PSAP: variants seen among roughly 807,000 people sequenced by gnomAD.
The protein encoded by PSAP is prosaposin.
A neutral mutation model predicts 66.0 loss-of-function variants in PSAP; 25 were observed. The ratio of observed to expected loss-of-function variants is 0.38; its 90% CI spans 0.28 to 0.53. The LOEUF (loss-of-function observed/expected upper bound fraction) is 0.53, where lower values mean the gene tolerates loss of function less well. PSAP is among the 20% of genes least tolerant of loss of function. The pLI, the probability that PSAP is intolerant of heterozygous loss-of-function variation, is 0.83. For missense variants in PSAP, 649 were observed against 668.8 expected, an observed-to-expected ratio of 0.97 and a Z score of 0.33; for synonymous variants, 273 against 258.9, an observed-to-expected ratio of 1.05 and a Z score of -0.52.
intron 4 of PSAP, among the ~76,000 whole-genome samples, chr10:71,830,812 C>G (rs569172918): frequency 1.3e-5 from 2 of 152,264 alleles, no homozygotes; most frequent in African/African-American, 4.8e-5. Context: ...GGTTTTGTGC[C>G]TGCTCAAAGG....
chr10:71,837,276 T>C (rs189813895), intron 1 of PSAP, among the ~76,000 whole-genome samples: 332 of 152,324 alleles, frequency 2.2e-3, no homozygotes, highest in Non-Finnish European at 4.1e-3. Flanking sequence ...AACGACATGA[T>C]GACATACGTT....
chr10:71,829,855 G>A (rs544665399), intron 4 of PSAP, among the ~76,000 whole-genome samples: 28 of 152,142 alleles, frequency 1.8e-4, no homozygotes, highest in East Asian at 7.7e-4. Flanking sequence ...AAAATTAGCC[G>A]GGCATGATGG....
intron 1 of PSAP, 43 bp from the exon 2 acceptor site, chr10:71,834,548 A>T: frequency 6.2e-7 from 1 of 1,608,156 alleles, no homozygotes. Context: ...ATTTTGTAGC[A>T]AACCAGGTCG....
At position 71,828,111 on chromosome 10, in the gene PSAP, A is replaced by C. The variant is rs200319381; in HGVS notation, c.623T>G (p.Ile208Ser). The stretch of plus-strand genomic sequence containing the variant: ...GGAGTTGGTCCGTACAGCAGTCTGG[A>C]TGTCAGTCACCATCTGAATGCAGTC... ...CQDCIQMVTD[I>S]QTAVRTNSTF... Residue 208 changes from isoleucine (I) to serine (S), a missense_variant, in exon 6 of 14, where the codon ATC becomes AGC. Physicochemically the swap from Ile to Ser is moderately radical, Grantham distance 142. Transcript: ENST00000394936. 1.2e-4 allele frequency: 197 copies of C among 1,614,166 alleles called. No homozygotes were observed. The Admixed American group carries it at 3.2e-3, about 26-fold the overall frequency.
intron 1 of PSAP, among the ~76,000 whole-genome samples, chr10:71,837,380 T>C (rs1432780082): frequency 6.6e-6 from 1 of 152,236 alleles, no homozygotes; most frequent in Non-Finnish European, 1.5e-5. Context: ...AGAGCAGATC[T>C]CCTAAGAGGG....
chr10:71,847,229 C>A (rs901777010), intron 1 of PSAP, among the ~76,000 whole-genome samples: 2 of 152,026 alleles, frequency 1.3e-5, no homozygotes, highest in African/African-American at 4.8e-5. Context: ...CCGAGGCAGG[C>A]GGATTACTTG....
intron 1 of PSAP, among the ~76,000 whole-genome samples, chr10:71,845,382 C>T (rs188712768): frequency 6.6e-6 from 1 of 152,196 alleles, no homozygotes; most frequent in Admixed American, 6.5e-5. Context: ...CTGGGTGTTG[C>T]GTACACATGT....
At chr10:71,836,746 C>T (rs959126740) in intron 1 of PSAP, among the ~76,000 whole-genome samples, 1 of 152,192 alleles carries the variant, frequency 6.6e-6, no homozygotes, top group Non-Finnish European at 1.5e-5. Flanking sequence ...CTACTTTCTC[C>T]AGCCCTCTCA....
chr10:71,834,960 G>C (rs186660211), intron 1 of PSAP, among the ~76,000 whole-genome samples: 1 of 152,234 alleles, frequency 6.6e-6, no homozygotes, highest in African/African-American at 2.4e-5. Context: ...AAACAGGCTG[G>C]GCACGGTGGC....
chr10:71,822,048 GC>G lies in PSAP; in HGVS notation c.778-42del, dbSNP rs1564816592. 8 of 1,613,450 alleles carry G rather than the reference GC, an allele frequency of 5.0e-6. No homozygotes were observed. In the South Asian group the frequency reaches 8.8e-5, roughly 18 times the overall value. On this transcript the variant is annotated intron_variant, in intron 7 of 13. Transcript: ENST00000394936. ...AACAACCAGTCAGCAGCAAGCCTAC[GC>G]CCACTGCTCCTCAGTCCCAATCCAG...
Position 71,829,088 on chromosome 10 carries a change from G to T in PSAP, c.376-11C>A. The stretch of plus-strand genomic sequence containing the variant: ...CTCCCCAGGACGGCTCTGGTGGGAT[G>T]GAAAGAAGTCCTGCTGAAAATCCTC... On this transcript the variant is annotated splice_polypyrimidine_tract_variant and intron_variant, in intron 4 of 13. Transcript: ENST00000394936. 6.2e-7 allele frequency: 1 copy of T among 1,612,016 alleles called. No individual in the cohort carries two copies.
chr10:71,820,124 T>C, intron 9 of PSAP, 116 bp downstream of exon 9: 1 of 1,042,022 alleles, frequency 9.6e-7, no homozygotes, highest in South Asian at 1.3e-5. Context: ...GATGGGGACA[T>C]GGCTGTACAC....
intron 11 of PSAP, 166 bp from the exon 12 acceptor site, chr10:71,819,277 C>A: frequency 9.7e-7 from 1 of 1,032,378 alleles, no homozygotes; most frequent in Non-Finnish European, 1.5e-6. Context: ...CTACATTTGG[C>A]CTCTCTACTT....
intron 2 of PSAP, among the ~76,000 whole-genome samples, chr10:71,833,039 C>CA (rs1273324060): frequency 4.2e-5 from 4 of 95,014 alleles, no homozygotes; most frequent in South Asian, 7.3e-4. Flanking sequence ...AAACAAAAAA[C>CA]AAAAACAGAA....
chr10:71,825,758 A>C, intron 7 of PSAP, 79 bp downstream of exon 7: 1 of 1,374,006 alleles, frequency 7.3e-7, no homozygotes, highest in South Asian at 1.2e-5. Flanking sequence ...ACTAAACCAT[A>C]TAATTTTCAA....
At position 71,834,460 on chromosome 10, in the gene PSAP, G is replaced by C; in HGVS notation, c.86C>G (p.Ser29Trp). Residue 29 changes from serine (S) to tryptophan (W), a missense_variant, in exon 2 of 14, where the codon TCG becomes TGG. By Grantham distance (177) the Ser-to-Trp change is radical. Transcript: ENST00000394936. ...VLGLKECTRG[S>W]AVWCQNVKTA... is the part of the protein sequence containing the mutation. ...CTTCACATTCTGGCACCACACTGCC[G>C]AGCCCCTGGTGCATTCTTTCAGTCC... The C allele has an allele frequency of 1.9e-6, 3 of 1,613,988 alleles. No homozygotes were observed. The highest frequency in any genetic ancestry group is 2.5e-6 in the Non-Finnish European group (3 of 1,179,952).
intron 7 of PSAP, chr10:71,823,894 C>T (rs1359559298): frequency 3.1e-6 from 4 of 1,298,012 alleles, no homozygotes; most frequent in South Asian, 1.2e-5. Flanking sequence ...ATACCTGATC[C>T]TGCTGTTGAA....
At chr10:71,819,169 C>T in intron 11 of PSAP, 58 bp from the exon 12 acceptor site, 1 of 1,457,424 alleles carries the variant, frequency 6.9e-7, no homozygotes, top group Middle Eastern at 1.7e-4. Flanking sequence ...CATAGTGGGG[C>T]ACAAAAGGCC....
chr10:71,849,506 C>A (rs1842883916), intron 1 of PSAP, among the ~76,000 whole-genome samples: 1 of 151,824 alleles, frequency 6.6e-6, no homozygotes, highest in South Asian at 2.1e-4. Context: ...GAGGCTGAGG[C>A]GGGAGAATGG....
Sources: allele counts gnomAD v4.1 joint callset (sites outside exome capture counted in the v4.1 genomes callset), GRCh38; gene constraint gnomAD v4.1.1; transcripts MANE v1.5; gene names NCBI Gene and HGNC (gene_info 2026-07-23, HGNC 2026-07-21).